Variants in PDE3A observed in about 807,000 individuals in gnomAD.
PDE3A encodes the protein cGMP-inhibited 3',5'-cyclic phosphodiesterase 3A.
In PDE3A, 43 loss-of-function variants were observed where a neutral mutation model predicts 98.3. That is an observed-to-expected ratio of 0.44 (90% CI 0.34 to 0.56). PDE3A has a LOEUF of 0.56. PDE3A is among the 20% of genes least tolerant of loss of function. PDE3A has a pLI of 0.01. For synonymous variants in PDE3A, 663 were observed against 567.9 expected (o/e 1.17, Z -2.38); for missense variants, 1,427 against 1,440.7 (o/e 0.99, Z 0.15).
intron 2 of PDE3A, 34 bp downstream of exon 2, chr12:20,556,744 G>A (rs377279002): frequency 9.9e-6 from 15 of 1,517,398 alleles, no homozygotes; most frequent in African/African-American, 1.4e-5. Context: ...TTCACGTTTC[G>A]TTTCGTAACA....
chr12:20,455,698 A>G lies in PDE3A; in HGVS notation c.960+85454A>G, dbSNP rs547901557. Among the ~76,000 whole-genome samples the G allele has an allele frequency of 2.0e-5, 3 of 152,304 alleles. No individual in the cohort carries two copies. The South Asian group carries it at 6.2e-4, about 32-fold the overall frequency. ...TAAAATTGGTAAGCTTTCTAACCAT[A>G]AACAAACAGATAAACATCATATTAA... On this transcript the variant is annotated intron_variant, in intron 1 of 15. Coordinates refer to ENST00000359062, the MANE Select transcript of PDE3A (RefSeq NM_000921.5).
intron 1 of PDE3A, among the ~76,000 whole-genome samples, chr12:20,452,185 G>A: frequency 6.6e-6 from 1 of 152,176 alleles, no homozygotes; most frequent in South Asian, 2.1e-4. Context: ...TCTCATCATG[G>A]TTCATATAGT....
At chr12:20,491,849 G>C (rs1412609891) in intron 1 of PDE3A, among the ~76,000 whole-genome samples, 1 of 152,178 alleles carries the variant, frequency 6.6e-6, no homozygotes, top group African/African-American at 2.4e-5. Context: ...GTAGTAGTAA[G>C]TAGTGTCCAA....
chr12:20,541,457 C>T (rs755133844), intron 1 of PDE3A, among the ~76,000 whole-genome samples: 2 of 151,692 alleles, frequency 1.3e-5, no homozygotes, highest in Non-Finnish European at 2.9e-5. Context: ...ATCGCATTTG[C>T]TTGAAATAGA....
intron 1 of PDE3A, among the ~76,000 whole-genome samples, chr12:20,555,747 AC>A (rs1375593232): frequency 6.6e-6 from 1 of 152,192 alleles, no homozygotes; most frequent in Non-Finnish European, 1.5e-5. Flanking sequence ...TCTTCAGTAA[AC>A]TTTTACCATT....
intron 15 of PDE3A, among the ~76,000 whole-genome samples, chr12:20,664,066 T>C (rs552297393): frequency 7.9e-5 from 12 of 152,254 alleles, no homozygotes; most frequent in African/African-American, 2.4e-4. Context: ...AAGGGACTTT[T>C]CCCCCTTTGC....
chr12:20,536,349 TG>T, intron 1 of PDE3A, among the ~76,000 whole-genome samples: 1 of 152,044 alleles, frequency 6.6e-6, no homozygotes, highest in African/African-American at 2.4e-5. Flanking sequence ...GAGGTGTGTG[TG>T]TGTGTGTGTG....
chr12:20,544,399 G>A (rs1347923092), intron 1 of PDE3A, among the ~76,000 whole-genome samples: 2 of 151,568 alleles, frequency 1.3e-5, no homozygotes, highest in Non-Finnish European at 3.0e-5. Context: ...TAGTACTTAC[G>A]AAGGATTTTC....
intron 1 of PDE3A, among the ~76,000 whole-genome samples, chr12:20,465,557 G>A (rs983373494): frequency 3.3e-5 from 5 of 151,864 alleles, no homozygotes; most frequent in African/African-American, 4.8e-5. Context: ...CTACAGGTGC[G>A]CGCCACTGTG....
intron 1 of PDE3A, among the ~76,000 whole-genome samples, chr12:20,377,674 T>G (rs748658728): frequency 1.3e-5 from 2 of 151,880 alleles, no homozygotes; most frequent in African/African-American, 4.8e-5. Context: ...ACCACTCTAA[T>G]AGTTGCCAAG....
chr12:20,669,366 T>A (rs1945408076), intron 15 of PDE3A, among the ~76,000 whole-genome samples: 1 of 151,744 alleles, frequency 6.6e-6, no homozygotes, highest in African/African-American at 2.4e-5. Flanking sequence ...AAGATACTCC[T>A]CAAGAAGAGC....
intron 1 of PDE3A, among the ~76,000 whole-genome samples, chr12:20,556,359 T>A (rs1942368126): frequency 6.6e-6 from 1 of 152,184 alleles, no homozygotes. Flanking sequence ...AAAGGCTTAA[T>A]AATATGCAAA....
chr12:20,541,804 C>T lies in PDE3A; in HGVS notation c.961-14856C>T, dbSNP rs148265154. Among the ~76,000 whole-genome samples, 25 of 152,082 alleles carry T rather than the reference C, an allele frequency of 1.6e-4. No homozygotes were observed. The East Asian group carries it at 2.3e-3, about 14-fold the overall frequency. On this transcript the variant is annotated intron_variant, in intron 1 of 15. Transcript: ENST00000359062. ...CAACATATCAAATGGGTCATGGACCCGTGAAGAATTGAGGGGGAAGGTCAA... is the reference window on the plus strand; with the variant it reads ...CAACATATCAAATGGGTCATGGACCTGTGAAGAATTGAGGGGGAAGGTCAA...
At chr12:20,555,568 T>G (rs1012937254) in intron 1 of PDE3A, among the ~76,000 whole-genome samples, 2 of 152,224 alleles carry the variant, frequency 1.3e-5, no homozygotes, top group African/African-American at 4.8e-5. Flanking sequence ...CATAACTGAT[T>G]ATATATGTTT....
At chr12:20,511,120 AG>A (rs1565572728) in intron 1 of PDE3A, among the ~76,000 whole-genome samples, 13 of 152,034 alleles carry the variant, frequency 8.6e-5, no homozygotes, top group Non-Finnish European at 1.6e-4. Flanking sequence ...AAACATTTTC[AG>A]TTTGGTTGAT....
intron 1 of PDE3A, among the ~76,000 whole-genome samples, chr12:20,385,848 T>G (rs1278254893): frequency 6.8e-6 from 1 of 147,734 alleles, no homozygotes. Flanking sequence ...AAATGACGAG[T>G]TAATGGGTGC....
At chr12:20,587,386 T>C (rs1943222596) in intron 2 of PDE3A, among the ~76,000 whole-genome samples, 3 of 151,984 alleles carry the variant, frequency 2.0e-5, no homozygotes, top group African/African-American at 7.2e-5. Context: ...AAATAATAAG[T>C]AAATAAATAA....
intron 1 of PDE3A, among the ~76,000 whole-genome samples, chr12:20,389,201 C>T (rs976017352): frequency 6.6e-6 from 1 of 151,842 alleles, no homozygotes; most frequent in Non-Finnish European, 1.5e-5. Context: ...AGACTGGTAG[C>T]CATTTCCTTT....
At chr12:20,581,908 G>T (rs1943078374) in intron 2 of PDE3A, among the ~76,000 whole-genome samples, 2 of 152,074 alleles carry the variant, frequency 1.3e-5, no homozygotes, top group Admixed American at 1.3e-4. Flanking sequence ...AAAATCTATA[G>T]AGAAACTGTG....
Sources: gnomAD v4.1 joint callset for allele counts (sites outside exome capture counted in the v4.1 genomes callset) on GRCh38, gnomAD v4.1.1 for gene constraint, MANE v1.5 for transcripts, NCBI Gene and HGNC (gene_info 2026-07-23, HGNC 2026-07-21) for gene names.